DNAH5: variants seen among roughly 807,000 people sequenced by gnomAD.
DNAH5 encodes the protein axonemal beta dynein heavy chain 5.
In DNAH5, 372 loss-of-function variants were observed where a neutral mutation model predicts 518.2. The observed-to-expected ratio is 0.72, with a 90% CI of 0.66 to 0.78. DNAH5 has a LOEUF of 0.78. DNAH5 is among the 30% of genes least tolerant of loss of function. DNAH5 has a pLI of 0.00. For synonymous variants in DNAH5, 2,039 were observed against 2,025.9 expected, an observed-to-expected ratio of 1.01 and a Z score of -0.17; for missense variants, 5,523 against 5,687.0, an observed-to-expected ratio of 0.97 and a Z score of 0.93.
intron 31 of DNAH5, among the ~76,000 whole-genome samples, chr5:13,846,693 T>G (rs17208191): frequency 0.15 from 22,799 of 152,136 alleles, 1,751 homozygotes; most frequent in Admixed American, 0.17. Flanking sequence ...GGGATGATCA[T>G]GGATAAGCCT....
At chr5:13,979,436 A>T (rs977096685) in intron 1 of DNAH5, among the ~76,000 whole-genome samples, 1 of 151,928 alleles carries the variant, frequency 6.6e-6, no homozygotes, top group Non-Finnish European at 1.5e-5. Context: ...TGGATTTTTT[A>T]GTTCCATTCA....
chr5:13,974,556 T>C (rs1242540476), intron 1 of DNAH5, among the ~76,000 whole-genome samples: 2 of 152,186 alleles, frequency 1.3e-5, no homozygotes, highest in Non-Finnish European at 2.9e-5. Flanking sequence ...TAAAGTTCAA[T>C]AGGGATGGTG....
chr5:13,847,734 AAAG>A (rs1221864865), intron 31 of DNAH5, among the ~76,000 whole-genome samples: 1 of 151,932 alleles, frequency 6.6e-6, no homozygotes, highest in Non-Finnish European at 1.5e-5. Flanking sequence ...AAAAAAAAAA[AAAG>A]GAGAAAAAAA....
rs1776339162 is a variant in DNAH5 at position 13,913,905 on chromosome 5, AT to A, written c.1373del (p.Asn458MetfsTer26). 1 of 1,613,576 alleles carries A rather than the reference AT, an allele frequency of 6.2e-7. No homozygotes were observed. The highest frequency in any genetic ancestry group is 1.7e-5 in the Admixed American group (1 of 59,994). On this transcript the variant is annotated frameshift_variant, in exon 11 of 79. Coordinates refer to ENST00000265104, the MANE Select transcript of DNAH5 (RefSeq NM_001369.3). LOFTEE classifies it high-confidence loss of function. ...KTKQKLKQNP[N>X]AKQFDFSEMY... ...TCTCGCTAAAATCAAATTGTTTTGC[AT>A]TTGGATTTTGTTTAAGCTTTTGTTT...
At chr5:13,768,769 T>G (rs1265569831) in intron 58 of DNAH5, among the ~76,000 whole-genome samples, 191 bp downstream of exon 58, 1 of 152,186 alleles carries the variant, frequency 6.6e-6, no homozygotes, top group African/African-American at 2.4e-5. Flanking sequence ...GAGTGTGAGA[T>G]GTTAAGCAGA....
chr5:13,893,928 A>C (rs1000316213), intron 16 of DNAH5, among the ~76,000 whole-genome samples: 54 of 151,798 alleles, frequency 3.6e-4, no homozygotes, highest in Admixed American at 2.0e-4. Flanking sequence ...AAAAAAAAAA[A>C]AAAACCATTA....
chr5:13,716,072 A>G (rs1744244430), intron 74 of DNAH5, among the ~76,000 whole-genome samples: 1 of 152,236 alleles, frequency 6.6e-6, no homozygotes, highest in African/African-American at 2.4e-5. Flanking sequence ...AACAGATGTC[A>G]TGGGATTTGT....
At chr5:13,968,909 G>A (rs1781704463) in intron 1 of DNAH5, among the ~76,000 whole-genome samples, 1 of 152,206 alleles carries the variant, frequency 6.6e-6, no homozygotes, top group South Asian at 2.1e-4. Context: ...TTCTTTGAAT[G>A]TCTGATAGAA....
chr5:13,975,128 A>C (rs1382619466), intron 1 of DNAH5, among the ~76,000 whole-genome samples: 2 of 152,190 alleles, frequency 1.3e-5, no homozygotes, highest in Non-Finnish European at 2.9e-5. Flanking sequence ...GGCAATTTAC[A>C]AAAGAAAGAG....
At chr5:13,903,281 C>T (rs1774904182) in intron 12 of DNAH5, among the ~76,000 whole-genome samples, 1 of 151,574 alleles carries the variant, frequency 6.6e-6, no homozygotes, top group African/African-American at 2.4e-5. Flanking sequence ...AATAAAATCA[C>T]CCAAAGTATA....
intron 74 of DNAH5, among the ~76,000 whole-genome samples, chr5:13,714,878 T>C (rs1744085251): frequency 6.6e-6 from 1 of 152,170 alleles, no homozygotes; most frequent in Non-Finnish European, 1.5e-5. Context: ...AGAGAGACTG[T>C]CTTGTTATAA....
intron 76 of DNAH5, among the ~76,000 whole-genome samples, chr5:13,702,852 G>A (rs943270975): frequency 2.0e-5 from 3 of 152,042 alleles, no homozygotes; most frequent in African/African-American, 7.3e-5. Context: ...TGACATACCT[G>A]AGGCTCAGCA....
At chr5:13,826,184 A>T (rs1762865224) in intron 38 of DNAH5, among the ~76,000 whole-genome samples, 1 of 152,222 alleles carries the variant, frequency 6.6e-6, no homozygotes, top group Non-Finnish European at 1.5e-5. Context: ...AGACATCAGT[A>T]TGAGTCCAAC....
chr5:13,872,146 C>T (rs376214585), intron 22 of DNAH5, among the ~76,000 whole-genome samples: 19 of 152,118 alleles, frequency 1.2e-4, no homozygotes, highest in African/African-American at 4.6e-4. Flanking sequence ...TCTCCTCTTT[C>T]CCCCCTCCCC....
chr5:13,784,554 G>T (rs1030251312), intron 52 of DNAH5, among the ~76,000 whole-genome samples: 1 of 152,036 alleles, frequency 6.6e-6, no homozygotes, highest in Non-Finnish European at 1.5e-5. Flanking sequence ...TTTCTTGCAG[G>T]GAAAAGGAGC....
At chr5:13,823,785 T>A (rs1244916657) in intron 39 of DNAH5, among the ~76,000 whole-genome samples, 1 of 152,232 alleles carries the variant, frequency 6.6e-6, no homozygotes, top group African/African-American at 2.4e-5. Flanking sequence ...ACCCTTTACA[T>A]AGATCCACGG....
At chr5:13,921,263 C>T (rs1183567231) in intron 5 of DNAH5, among the ~76,000 whole-genome samples, 1 of 151,912 alleles carries the variant, frequency 6.6e-6, no homozygotes, top group African/African-American at 2.4e-5. Context: ...CTTTGGAAAG[C>T]GTAATGCCCC....
chr5:13,844,358 G>A (rs994345833), intron 32 of DNAH5, among the ~76,000 whole-genome samples: 1 of 152,170 alleles, frequency 6.6e-6, no homozygotes, highest in African/African-American at 2.4e-5. Context: ...AGCTGTGCAA[G>A]TGTAGTCTCC....
At chr5:13,851,144 G>A (rs1473783377) in intron 30 of DNAH5, among the ~76,000 whole-genome samples, 1 of 152,108 alleles carries the variant, frequency 6.6e-6, no homozygotes, top group Non-Finnish European at 1.5e-5. Context: ...ATCTCTAAAT[G>A]AAGTACATTT....
Sources: allele counts gnomAD v4.1 joint callset (sites outside exome capture counted in the v4.1 genomes callset), GRCh38; gene constraint gnomAD v4.1.1; transcripts MANE v1.5; gene names NCBI Gene and HGNC (gene_info 2026-07-23, HGNC 2026-07-21).